ANO2: variants seen among roughly 807,000 people sequenced by gnomAD.
ANO2 encodes anoctamin-2.
ANO2 carries 101 observed loss-of-function variants against 124.2 expected under a neutral mutation model. The ratio of observed to expected loss-of-function variants is 0.81; its 90% confidence interval spans 0.69 to 0.96. The LOEUF (loss-of-function observed/expected upper bound fraction) is 0.96, where lower values mean the gene tolerates loss of function less well. Among genes scored for constraint, ANO2 ranks in the 40% least tolerant of loss-of-function variants. The pLI, the probability that ANO2 is intolerant of heterozygous loss-of-function variation, is 0.00. For synonymous variants in ANO2, 486 were observed against 482.5 expected, an observed-to-expected ratio of 1.01 and a Z score of -0.09; for missense variants, 1,293 against 1,274.5, an observed-to-expected ratio of 1.01 and a Z score of -0.22.
chr12:5,794,571 C>T (rs867866461), intron 10 of ANO2, among the ~76,000 whole-genome samples: 1 of 152,212 alleles, frequency 6.6e-6, no homozygotes, highest in Non-Finnish European at 1.5e-5. Context: ...GCCACCTCTT[C>T]CAGGAAGTCT....
At chr12:5,711,206 G>T (rs993276750) in intron 14 of ANO2, among the ~76,000 whole-genome samples, 7 of 152,040 alleles carry the variant, frequency 4.6e-5, no homozygotes, top group Non-Finnish European at 1.0e-4. Context: ...AGAGCCTGGT[G>T]GGAGGTGTAT....
At chr12:5,662,013 A>G (rs927104397) in intron 14 of ANO2, among the ~76,000 whole-genome samples, 5 of 152,204 alleles carry the variant, frequency 3.3e-5, no homozygotes, top group Non-Finnish European at 7.3e-5. Context: ...ACTGGCTCCC[A>G]TGGCGCCCCT....
At chr12:5,759,364 A>G (rs1191428750) in intron 10 of ANO2, among the ~76,000 whole-genome samples, 1 of 152,128 alleles carries the variant, frequency 6.6e-6, no homozygotes, top group African/African-American at 2.4e-5. Flanking sequence ...AGGATTTATA[A>G]CCAATTTTTT....
chr12:5,874,654 C>T (rs1467343372), intron 3 of ANO2, among the ~76,000 whole-genome samples: 1 of 152,200 alleles, frequency 6.6e-6, no homozygotes, highest in Non-Finnish European at 1.5e-5. Flanking sequence ...CTTCTGGCAT[C>T]CGCTTCCCAA....
intron 1 of ANO2, among the ~76,000 whole-genome samples, chr12:5,930,258 A>C (rs897675926): frequency 6.6e-6 from 1 of 152,232 alleles, no homozygotes; most frequent in African/African-American, 2.4e-5. Flanking sequence ...TGTTTTATAC[A>C]ATACCTGGGA....
chr12:5,732,922 T>C (rs1950704721), intron 13 of ANO2: 3 of 1,612,038 alleles, frequency 1.9e-6, no homozygotes, highest in Non-Finnish European at 1.7e-6. Context: ...AAATGTTAAC[T>C]GGATGGCTGA....
At chr12:5,603,643 G>A (rs1221159954) in intron 19 of ANO2, among the ~76,000 whole-genome samples, 2 of 152,108 alleles carry the variant, frequency 1.3e-5, no homozygotes, top group Admixed American at 6.6e-5. Flanking sequence ...GCAGCATAGA[G>A]TACAATCAAG....
chr12:5,565,840 G>A (rs1941719112), intron 23 of ANO2, among the ~76,000 whole-genome samples, 177 bp from the exon 24 acceptor site: 1 of 152,092 alleles, frequency 6.6e-6, no homozygotes, highest in African/African-American at 2.4e-5. Context: ...TTTCCAAAAA[G>A]GACTAAAGTC....
chr12:5,890,045 ATTTT>A (rs111396649), intron 3 of ANO2, among the ~76,000 whole-genome samples: 3 of 144,240 alleles, frequency 2.1e-5, no homozygotes, highest in Non-Finnish European at 4.6e-5. Context: ...TTAAAATTCC[ATTTT>A]TTTTTTTTTT....
At chr12:5,833,812 A>C (rs1411784193) in intron 4 of ANO2, among the ~76,000 whole-genome samples, 1 of 152,048 alleles carries the variant, frequency 6.6e-6, no homozygotes, top group Non-Finnish European at 1.5e-5. Flanking sequence ...CATCCCTGCC[A>C]CCACCACCCC....
intron 17 of ANO2, among the ~76,000 whole-genome samples, chr12:5,614,506 T>A (rs1208628130): frequency 6.6e-6 from 1 of 152,192 alleles, no homozygotes; most frequent in Non-Finnish European, 1.5e-5. Flanking sequence ...CAATCCAGTG[T>A]GCCAGGAGGG....
At chr12:5,946,206 A>C (rs752915631), upstream of ANO2, 7 of 1,610,526 alleles carry the variant, frequency 4.3e-6, no homozygotes, top group Admixed American at 1.7e-5. The surrounding 1 kb of genome is among the most constrained non-coding windows in gnomAD (Gnocchi z 4.1). Context: ...GTCATGATAG[A>C]TCCCACTTTA....
chr12:5,790,497 C>A (rs1477395849), intron 10 of ANO2, among the ~76,000 whole-genome samples: 1 of 152,122 alleles, frequency 6.6e-6, no homozygotes, highest in Non-Finnish European at 1.5e-5. Flanking sequence ...TGCTTAAATC[C>A]CAATCTTGTA....
chr12:5,809,200 C>T (rs2137177553), intron 7 of ANO2, among the ~76,000 whole-genome samples: 1 of 152,236 alleles, frequency 6.6e-6, no homozygotes, highest in African/African-American at 2.4e-5. Flanking sequence ...CACAAGACTA[C>T]AATTTCACTC....
Position 5,906,013 on chromosome 12 carries a change from G to C in ANO2, c.534+15027C>G, listed in dbSNP as rs149592284. The stretch of plus-strand genomic sequence containing the variant: ...GGTGGCTCTGAGCGGGCTGCAGATT[G>C]CTGTGGTGTTTTCTTCCCAGACTGA... On this transcript the variant is annotated intron_variant, in intron 3 of 24. Transcript: ENST00000682330. Among the ~76,000 whole-genome samples, 352 of 152,274 alleles carry C rather than the reference G, an allele frequency of 2.3e-3. 3 individuals carry two copies. The highest frequency in any genetic ancestry group is 2.2e-3 in the Admixed American group (33 of 15,302).
intron 14 of ANO2, among the ~76,000 whole-genome samples, chr12:5,701,087 ATTTTTTTTTTT>A (rs56113538): frequency 1.1e-5 from 1 of 93,610 alleles, no homozygotes; most frequent in Non-Finnish European, 1.9e-5. Flanking sequence ...GTCATTTTCA[ATTTTTTTTTTT>A]TTTTTTTTTT....
intron 1 of ANO2, among the ~76,000 whole-genome samples, chr12:5,938,138 T>C (rs1169453321): frequency 6.6e-6 from 1 of 152,200 alleles, no homozygotes; most frequent in Non-Finnish European, 1.5e-5. Context: ...TCTGGGCACC[T>C]CCTTTCACAC....
chr12:5,747,934 A>C (rs984847638), intron 11 of ANO2, among the ~76,000 whole-genome samples: 2 of 152,220 alleles, frequency 1.3e-5, no homozygotes, highest in African/African-American at 4.8e-5. Flanking sequence ...ATCCCTGCAC[A>C]TGCAAGAATG....
chr12:5,699,379 A>C (rs541600161), intron 14 of ANO2, among the ~76,000 whole-genome samples: 1 of 152,306 alleles, frequency 6.6e-6, no homozygotes, highest in East Asian at 1.9e-4. Flanking sequence ...ATCCTTTACA[A>C]ACAAGCAAAT....
Sources: gnomAD v4.1 joint callset for allele counts (sites outside exome capture counted in the v4.1 genomes callset) on GRCh38, gnomAD v4.1.1 for gene constraint, Gnocchi (gnomAD v3.1) non-coding constraint, MANE v1.5 for transcripts, NCBI Gene and HGNC (gene_info 2026-07-23, HGNC 2026-07-21) for gene names.